BMP7: variants seen among roughly 807,000 people sequenced by gnomAD.
BMP7 encodes bone morphogenetic protein 7, also known as osteogenic protein 1.
In BMP7, 12 loss-of-function variants were observed where a neutral mutation model predicts 41.2. The observed-to-expected ratio is 0.29, with a 90% CI of 0.19 to 0.47. The LOEUF is 0.47. BMP7 is among the 20% of genes least tolerant of loss of function. BMP7 has a pLI of 0.99. For synonymous variants in BMP7, 248 were observed against 250.0 expected, an observed-to-expected ratio of 0.99 and a Z score of 0.07; for missense variants, 467 against 606.0, an observed-to-expected ratio of 0.77 and a Z score of 2.41.
chr20:57,197,605 T>G (rs1452781201), intron 3 of BMP7, among the ~76,000 whole-genome samples: 1 of 152,218 alleles, frequency 6.6e-6, no homozygotes, highest in African/African-American at 2.4e-5. Context: ...TTTCCTCATC[T>G]ATAAAATGTT....
intron 2 of BMP7, among the ~76,000 whole-genome samples, chr20:57,208,847 G>A (rs1487391287): frequency 1.3e-5 from 2 of 152,178 alleles, no homozygotes; most frequent in Non-Finnish European, 2.9e-5. Context: ...CATAGTATAT[G>A]AGTCCATTTC....
intron 1 of BMP7, among the ~76,000 whole-genome samples, chr20:57,234,431 C>A (rs969877518): frequency 2.6e-5 from 4 of 152,196 alleles, no homozygotes; most frequent in Admixed American, 1.3e-4. Context: ...GAGAGACCTG[C>A]TGGGTTGATC....
At chr20:57,249,973 C>T (rs6092444) in intron 1 of BMP7, among the ~76,000 whole-genome samples, 1 of 152,180 alleles carries the variant, frequency 6.6e-6, no homozygotes, top group Non-Finnish European at 1.5e-5. Context: ...AGTAACTTGC[C>T]TGAGGACACA....
chr20:57,220,349 C>G (rs1373735795), intron 2 of BMP7, among the ~76,000 whole-genome samples: 1 of 152,202 alleles, frequency 6.6e-6, no homozygotes, highest in African/African-American at 2.4e-5. Flanking sequence ...AGTATTTGAG[C>G]AGACACTTTT....
chr20:57,203,426 T>C (rs1027867399), intron 2 of BMP7, among the ~76,000 whole-genome samples: 7 of 151,806 alleles, frequency 4.6e-5, no homozygotes, highest in African/African-American at 1.7e-4. Context: ...AGTGGATGGA[T>C]GGATGGATGG....
chr20:57,255,799 C>CAAAAAAAAAAAAAA (rs3067106), intron 1 of BMP7, among the ~76,000 whole-genome samples: 39 of 48,556 alleles, frequency 8.0e-4, no homozygotes, highest in East Asian at 1.6e-3. Flanking sequence ...GACTCCATCT[C>CAAAAAAAAAAAAAA]AAAAAAAAAA....
chr20:57,200,461 G>T (rs1030768692), intron 3 of BMP7, among the ~76,000 whole-genome samples: 8 of 152,164 alleles, frequency 5.3e-5, no homozygotes, highest in Middle Eastern at 3.2e-3. Context: ...GACTGTGTCT[G>T]GGGGGAATGA....
Position 57,266,267 on chromosome 20 carries a change from C to T in BMP7, c.-145G>A, listed in dbSNP as rs768268257. 3.5e-3 allele frequency: 2,682 copies of T among 771,752 alleles called. 9 individuals are homozygous for T. The highest frequency in any genetic ancestry group is 4.3e-3 in the Admixed American group (95 of 21,948). The allele number at this position is 771,752 out of a possible 1,614,324, so 47.8% of individuals were successfully genotyped here. On this transcript the variant is annotated 5_prime_UTR_variant, in exon 1 of 7. Transcript: ENST00000395863. ...GCCCGCGCCAGACATGGCCCCTCCC[C>T]GGCCGGCCGCGCTCTGCCCGGACCC...
intron 1 of BMP7, among the ~76,000 whole-genome samples, chr20:57,262,918 GTCTCCTACACC>G (rs1418125784): frequency 6.6e-6 from 1 of 152,120 alleles, no homozygotes; most frequent in African/African-American, 2.4e-5. Flanking sequence ...GGCCAGACAA[GTCTCCTACACC>G]TCCCCCCAAC....
At chr20:57,245,276 C>T (rs551270047) in intron 1 of BMP7, among the ~76,000 whole-genome samples, 1 of 152,084 alleles carries the variant, frequency 6.6e-6, no homozygotes, top group African/African-American at 2.4e-5. Flanking sequence ...GCATGGTTGT[C>T]CTTTAAACCT....
At chr20:57,263,857 C>T (rs559055299) in intron 1 of BMP7, among the ~76,000 whole-genome samples, 147 of 152,136 alleles carry the variant, frequency 9.7e-4, no homozygotes, top group Non-Finnish European at 1.5e-3. Flanking sequence ...AATCAGACCC[C>T]ACCTCCCACT....
At chr20:57,234,300 G>A (rs934898474) in intron 1 of BMP7, among the ~76,000 whole-genome samples, 10 of 152,156 alleles carry the variant, frequency 6.6e-5, no homozygotes, top group African/African-American at 4.8e-5. Flanking sequence ...CGCTCTCCCC[G>A]CCTTGATCTC....
intron 1 of BMP7, among the ~76,000 whole-genome samples, chr20:57,235,324 CAT>C (rs1286025784): frequency 6.6e-6 from 1 of 152,196 alleles, no homozygotes; most frequent in African/African-American, 2.4e-5. Flanking sequence ...TGCTGCAATG[CAT>C]ACTCTTGTGC....
intron 1 of BMP7, among the ~76,000 whole-genome samples, chr20:57,239,837 A>AGCCATG (rs1347575732): frequency 5.3e-5 from 8 of 152,194 alleles, no homozygotes; most frequent in Non-Finnish European, 5.9e-5. Flanking sequence ...GACCCCTTTC[A>AGCCATG]GCCATGGCTT....
chr20:57,257,077 G>C (rs1176520642), intron 1 of BMP7, among the ~76,000 whole-genome samples: 2 of 152,108 alleles, frequency 1.3e-5, no homozygotes, highest in East Asian at 3.8e-4. Flanking sequence ...GAGGACCTCA[G>C]CCTCTCCCAG....
At chr20:57,239,476 C>T (rs986104714) in intron 1 of BMP7, among the ~76,000 whole-genome samples, 3 of 152,190 alleles carry the variant, frequency 2.0e-5, no homozygotes, top group Non-Finnish European at 4.4e-5. Context: ...GTGACCATGG[C>T]TTTTCCAGGC....
At position 57,228,186 on chromosome 20, in the gene BMP7, G is replaced by A. The variant is rs1426033718; in HGVS notation, c.611+43C>T. On this transcript the variant is annotated intron_variant, in intron 2 of 6. Transcript: ENST00000395863. This position sits in a 1 kb window ranked among gnomAD's most constrained non-coding sequence, Gnocchi z 4.5. Reference sequence around the variant, plus strand: ...TCACCACCTTCTTCCTCTGCCCCCAGAGGAAACTCAGCACCTCTCCCAGAT... The same window carrying A: ...TCACCACCTTCTTCCTCTGCCCCCAAAGGAAACTCAGCACCTCTCCCAGAT... 1 of 1,602,576 alleles carries A rather than the reference G, an allele frequency of 6.2e-7. No homozygotes were observed. Among genetic ancestry groups the A allele is most frequent in the East Asian group, 2.2e-5 (1 of 44,820 alleles).
chr20:57,186,628 G>A lies in BMP7; in HGVS notation c.761-2709C>T, dbSNP rs1010317584. On this transcript the variant is annotated intron_variant, in intron 3 of 6. Coordinates refer to ENST00000395863, the MANE Select transcript of BMP7 (RefSeq NM_001719.3). Reference sequence around the variant, plus strand: ...GAGGATGACGGGGAGTTGGGAGGCTGAGCCTCTGCAGATACGGTGCCCCCA... The same window carrying A: ...GAGGATGACGGGGAGTTGGGAGGCTAAGCCTCTGCAGATACGGTGCCCCCA... 2.0e-5 allele frequency among the ~76,000 whole-genome samples: 3 copies of A among 152,258 alleles called. 1 individual carries two copies. Among genetic ancestry groups the A allele is most frequent in the Admixed American group, 2.0e-4 (3 of 15,294 alleles).
Position 57,266,465 on chromosome 20 carries a change from G to A in BMP7, c.-343C>T, listed in dbSNP as rs558494685. On this transcript the variant is annotated 5_prime_UTR_variant, in exon 1 of 7. Coordinates refer to ENST00000395863, the MANE Select transcript of BMP7 (RefSeq NM_001719.3). ...AGAGAGCCAACGCCGGGGAGGCAGCGAGGAGGCAGGCGGGCGGGCGAGCGC... is the reference window on the plus strand; with the variant it reads ...AGAGAGCCAACGCCGGGGAGGCAGCAAGGAGGCAGGCGGGCGGGCGAGCGC... 3 of 175,216 alleles carry A rather than the reference G, an allele frequency of 1.7e-5. No individual in the cohort carries two copies. The highest frequency in any genetic ancestry group is 7.1e-5 in the African/African-American group (3 of 42,374). 10.9% of individuals were successfully genotyped at this position (175,216 alleles called of 1,614,324 possible).
Sources: allele counts gnomAD v4.1 joint callset (sites outside exome capture counted in the v4.1 genomes callset), GRCh38; gene constraint gnomAD v4.1.1; non-coding constraint Gnocchi (gnomAD v3.1); transcripts MANE v1.5; gene names NCBI Gene and HGNC (gene_info 2026-07-23, HGNC 2026-07-21).